SLC7A9: variants seen among roughly 807,000 people sequenced by gnomAD.
SLC7A9 encodes the protein solute carrier family 7 member 9, also known as B(0,+)-type amino acid transporter 1.
In SLC7A9, 38 loss-of-function variants were observed where a neutral mutation model predicts 54.1. The ratio of observed to expected loss-of-function variants is 0.70; its 90% CI spans 0.54 to 0.92. The LOEUF (loss-of-function observed/expected upper bound fraction) is 0.92, where lower values mean the gene tolerates loss of function less well. Among genes scored for constraint, SLC7A9 ranks in the 40% least tolerant of loss-of-function variants. The pLI is 0.00. For synonymous variants in SLC7A9, 264 were observed against 258.9 expected, an observed-to-expected ratio of 1.02 and a Z score of -0.19; for missense variants, 537 against 636.1, an observed-to-expected ratio of 0.84 and a Z score of 1.68.
chr19:32,854,546 A>G (rs1968562652), intron 9 of SLC7A9, among the ~76,000 whole-genome samples: 2 of 152,186 alleles, frequency 1.3e-5, no homozygotes, highest in African/African-American at 4.8e-5. Context: ...TTCCTAGGAG[A>G]AAACAGGCAA....
intron 11 of SLC7A9, among the ~76,000 whole-genome samples, chr19:32,838,789 ACAAATATATACATATATATC>A (rs2145804036): frequency 6.8e-6 from 1 of 146,322 alleles, no homozygotes; most frequent in East Asian, 2.0e-4. Flanking sequence ...ATATACATAT[ACAAATATATACATATATATC>A]TATTATACAC....
Position 32,862,655 on chromosome 19 carries a change from T to TTA in SLC7A9, c.479-71_479-70dup. The TTA allele has an allele frequency of 2.8e-6, 4 of 1,407,710 alleles. No individual in the cohort carries two copies. The African/African-American group carries it at 4.5e-5, about 16-fold the overall frequency. The allele number at this position is 1,407,710 out of a possible 1,614,324, so 87.2% of individuals were successfully genotyped here. On this transcript the variant is annotated intron_variant, in intron 4 of 12. Transcript: ENST00000023064. ...AGCCCTGGAGAGAGTCTCCTTTCTT[T>TTA]TATATATTTTTTATTTTTTTTTTTT...
At chr19:32,833,757 A>G (rs2145794945) in intron 11 of SLC7A9, among the ~76,000 whole-genome samples, 1 of 151,878 alleles carries the variant, frequency 6.6e-6, no homozygotes, top group African/African-American at 2.4e-5. Flanking sequence ...AGATTGCACC[A>G]TTGCACTCTA....
At chr19:32,841,804 A>AGCTGAAGCAGGAGAGTTG (rs1382230122) in intron 11 of SLC7A9, among the ~76,000 whole-genome samples, 1 of 152,088 alleles carries the variant, frequency 6.6e-6, no homozygotes, top group Non-Finnish European at 1.5e-5. Context: ...CAACTTGGGA[A>AGCTGAAGCAGGAGAGTTG]GCTGAAGCAG....
Position 32,857,315 on chromosome 19 carries a change from G to A in SLC7A9, c.977+1125C>T, listed in dbSNP as rs1343222876. Among the ~76,000 whole-genome samples, 4 of 152,170 alleles carry A rather than the reference G, an allele frequency of 2.6e-5. No homozygotes were observed. In the East Asian group the frequency reaches 5.8e-4, roughly 22 times the overall value. ...AAAAGTTAGCTGGGTGTGATGGCACGTGCCTGTGGTCCCAGCTATTCCAGA... is the reference window on the plus strand; with the variant it reads ...AAAAGTTAGCTGGGTGTGATGGCACATGCCTGTGGTCCCAGCTATTCCAGA... On this transcript the variant is annotated intron_variant, in intron 9 of 12. Transcript: ENST00000023064.
chr19:32,843,229 GGCAA>G, intron 10 of SLC7A9, among the ~76,000 whole-genome samples: 1 of 152,096 alleles, frequency 6.6e-6, no homozygotes, highest in Non-Finnish European at 1.5e-5. Flanking sequence ...GGCTGGGGTG[GGCAA>G]ATCACTTGAG....
chr19:32,860,553 G>A (rs1266719783), intron 7 of SLC7A9, 53 bp downstream of exon 7: 4 of 1,613,636 alleles, frequency 2.5e-6, no homozygotes, highest in South Asian at 1.1e-5. Context: ...TTCACCAGGA[G>A]AAGAGAAATC....
intron 9 of SLC7A9, among the ~76,000 whole-genome samples, chr19:32,844,827 C>CA (rs1968234219): frequency 8.2e-6 from 1 of 122,028 alleles, no homozygotes; most frequent in Non-Finnish European, 1.6e-5. Flanking sequence ...CTCCAGACTC[C>CA]AGCCTGGACG....
chr19:32,837,004 C>T (rs190189644), intron 11 of SLC7A9, among the ~76,000 whole-genome samples: 158 of 152,206 alleles, frequency 1.0e-3, no homozygotes, highest in Non-Finnish European at 2.1e-3. Flanking sequence ...CTTTCAATGG[C>T]TGATGTAAGT....
intron 2 of SLC7A9, among the ~76,000 whole-genome samples, chr19:32,866,952 C>T (rs1315487948): frequency 6.6e-6 from 1 of 152,252 alleles, no homozygotes; most frequent in Non-Finnish European, 1.5e-5. Flanking sequence ...CCATGCTCAG[C>T]ACCTGCTGCT....
chr19:32,861,253 TG>T (rs902518805), intron 6 of SLC7A9, among the ~76,000 whole-genome samples: 2 of 151,130 alleles, frequency 1.3e-5, no homozygotes, highest in African/African-American at 4.9e-5. Context: ...TGCTTGAACC[TG>T]GGGGATTCAA....
At chr19:32,858,770 T>C (rs11666241) in intron 8 of SLC7A9, among the ~76,000 whole-genome samples, 5 of 116,402 alleles carry the variant, frequency 4.3e-5, no homozygotes, top group African/African-American at 1.6e-4. Flanking sequence ...GCATAAATCT[T>C]TATTTATTTA....
At position 32,864,109 on chromosome 19, in the gene SLC7A9, G is replaced by A. The variant is rs774989007; in HGVS notation, c.465C>T (p.Ala155=). ...KPPQIVVKCL[A]AAAILFISTV... The stretch of plus-strand genomic sequence containing the variant: ...TCAGGTACTCACAGATGGCGGCGGC[G>A]GCCAGGCATTTCACAACGATTTGAG... Residue 155 remains alanine (A), a synonymous_variant, in exon 4 of 13, where the codon GCC becomes GCT. Coordinates refer to ENST00000023064, the MANE Select transcript of SLC7A9 (RefSeq NM_014270.5). 54 of 1,614,038 alleles carry A rather than the reference G, an allele frequency of 3.3e-5. No homozygotes were observed. The highest frequency in any genetic ancestry group is 6.7e-5 in the African/African-American group (5 of 74,932).
intron 9 of SLC7A9, among the ~76,000 whole-genome samples, chr19:32,844,893 G>C (rs1220958447): frequency 1.8e-5 from 2 of 108,932 alleles, no homozygotes; most frequent in African/African-American, 3.2e-5. Context: ...AGCCAGATGT[G>C]ATGGCTTACA....
chr19:32,833,368 A>G (rs754906513), intron 11 of SLC7A9, 45 bp from the exon 12 acceptor site: 1 of 1,601,232 alleles, frequency 6.2e-7, no homozygotes, highest in Non-Finnish European at 8.6e-7. Flanking sequence ...TCTTTTTGAA[A>G]TTTTTCATGA....
At chr19:32,860,739 GA>G in intron 6 of SLC7A9, 89 bp from the exon 7 acceptor site, 1 of 1,540,128 alleles carries the variant, frequency 6.5e-7, no homozygotes, top group Middle Eastern at 1.7e-4. Context: ...CCTCATTTAA[GA>G]TTCTCTACCA....
intron 11 of SLC7A9, among the ~76,000 whole-genome samples, chr19:32,838,366 T>C (rs1209289450): frequency 1.3e-5 from 2 of 151,276 alleles, no homozygotes; most frequent in South Asian, 2.1e-4. Context: ...GTAACTATTA[T>C]AGCTAATATA....
At chr19:32,868,117 G>A (rs1000016932) in intron 2 of SLC7A9, among the ~76,000 whole-genome samples, 2 of 150,120 alleles carry the variant, frequency 1.3e-5, no homozygotes, top group Non-Finnish European at 3.0e-5. Context: ...TGTAATCCCA[G>A]CTACTCGGGA....
intron 11 of SLC7A9, among the ~76,000 whole-genome samples, chr19:32,837,009 G>A (rs1967976961): frequency 1.3e-5 from 2 of 152,124 alleles, no homozygotes; most frequent in Non-Finnish European, 2.9e-5. Flanking sequence ...AATGGCTGAT[G>A]TAAGTCCAAT....
Sources: allele counts gnomAD v4.1 joint callset (sites outside exome capture counted in the v4.1 genomes callset), GRCh38; gene constraint gnomAD v4.1.1; transcripts MANE v1.5; gene names NCBI Gene and HGNC (gene_info 2026-07-23, HGNC 2026-07-21).